The following RTN3 variants were observed in gnomAD, a reference collection of about 807,000 sequenced individuals.
The protein encoded by RTN3 is reticulon 3, also known as reticulon-3.
RTN3 carries 49 observed loss-of-function variants against 77.8 expected under a neutral mutation model. That is an observed-to-expected ratio of 0.63 (90% CI 0.50 to 0.80). The LOEUF (loss-of-function observed/expected upper bound fraction) is 0.80. RTN3 is among the 30% of genes least tolerant of loss of function. The probability of loss-of-function intolerance (pLI) is 0.00; values close to 1 mark genes in which losing one functional copy is unlikely to be tolerated. For synonymous variants in RTN3, 464 were observed against 446.9 expected, an observed-to-expected ratio of 1.04 and a Z score of -0.48; for missense variants, 1,236 against 1,211.9, an observed-to-expected ratio of 1.02 and a Z score of -0.29.
intron 1 of RTN3, among the ~76,000 whole-genome samples, chr11:63,701,425 A>G (rs184292191): frequency 2.0e-5 from 3 of 152,256 alleles, no homozygotes; most frequent in Non-Finnish European, 4.4e-5. Flanking sequence ...AAAGTCCCAT[A>G]TTTTATTTAA....
intron 1 of RTN3, among the ~76,000 whole-genome samples, chr11:63,696,712 A>C (rs1246971696): frequency 2.7e-5 from 4 of 145,988 alleles, no homozygotes; most frequent in Admixed American, 2.1e-4. Flanking sequence ...CACCCAGCTA[A>C]TTTTTGTATT....
At chr11:63,727,950 GA>G (rs968529301) in intron 3 of RTN3, among the ~76,000 whole-genome samples, 26 of 152,146 alleles carry the variant, frequency 1.7e-4, no homozygotes, top group African/African-American at 6.3e-4. Flanking sequence ...TAATTACAAA[GA>G]AAACCATACC....
intron 1 of RTN3, among the ~76,000 whole-genome samples, chr11:63,697,347 C>T (rs912401940): frequency 2.6e-5 from 4 of 151,476 alleles, no homozygotes; most frequent in Non-Finnish European, 4.4e-5. Flanking sequence ...ACTCTGTCGC[C>T]CAGGCTGGGG....
At chr11:63,718,584 G>A in intron 2 of RTN3, 118 bp from the exon 3 acceptor site, 1 of 624,630 alleles carries the variant, frequency 1.6e-6, no homozygotes, top group Non-Finnish European at 2.6e-6. Context: ...TATACATCCT[G>A]TGTGTGTATA....
intron 1 of RTN3, among the ~76,000 whole-genome samples, chr11:63,704,425 A>G (rs1410931248): frequency 6.6e-6 from 1 of 152,208 alleles, no homozygotes; most frequent in Non-Finnish European, 1.5e-5. Flanking sequence ...GATATTTTCA[A>G]ATGCTTATAT....
chr11:63,709,383 T>C (rs537132300), intron 2 of RTN3, among the ~76,000 whole-genome samples: 5 of 152,158 alleles, frequency 3.3e-5, no homozygotes, highest in Non-Finnish European at 7.4e-5. Flanking sequence ...ACTGTTTCTT[T>C]AGAAAACATT....
chr11:63,724,561 G>A (rs1467947286), intron 3 of RTN3, among the ~76,000 whole-genome samples: 1 of 138,718 alleles, frequency 7.2e-6, no homozygotes, highest in African/African-American at 2.7e-5. Flanking sequence ...GCACGATCTC[G>A]GGTCACTGCA....
At chr11:63,715,664 A>AG (rs1405523240) in intron 2 of RTN3, among the ~76,000 whole-genome samples, 1 of 124,692 alleles carries the variant, frequency 8.0e-6, no homozygotes, top group Non-Finnish European at 2.0e-5. Flanking sequence ...TCTAAAAAAA[A>AG]CACACAAAAA....
chr11:63,697,639 C>A (rs975310225), intron 1 of RTN3, among the ~76,000 whole-genome samples: 3 of 152,012 alleles, frequency 2.0e-5, no homozygotes, highest in African/African-American at 7.2e-5. Context: ...CCACGCCTGG[C>A]TAATTTTTGT....
chr11:63,755,951 C>T (rs550889511), intron 7 of RTN3, among the ~76,000 whole-genome samples, 161 bp from the exon 8 acceptor site: 16 of 149,728 alleles, frequency 1.1e-4, no homozygotes, highest in East Asian at 5.8e-4. Flanking sequence ...AGCGAGGCTC[C>T]GTCTCAAAAA....
At position 63,703,370 on chromosome 11, in the gene RTN3, G is replaced by A. The variant is rs182897072; in HGVS notation, c.143-1481G>A. Among the ~76,000 whole-genome samples, 147 of 152,012 alleles carry A rather than the reference G, an allele frequency of 9.7e-4. 1 individual carries two copies. The highest frequency in any genetic ancestry group is 8.8e-3 in the Admixed American group (134 of 15,236). On this transcript the variant is annotated intron_variant, in intron 1 of 8. Transcript: ENST00000377819. ...CTCATTCTTTTTCATGGCAGCAAGTGTTTCATAGTTTGCATGTAACTTTAA... is the reference window on the plus strand; with the variant it reads ...CTCATTCTTTTTCATGGCAGCAAGTATTTCATAGTTTGCATGTAACTTTAA...
intron 2 of RTN3, among the ~76,000 whole-genome samples, chr11:63,707,230 T>C (rs1242755571): frequency 6.6e-6 from 1 of 151,968 alleles, no homozygotes; most frequent in African/African-American, 2.4e-5. Flanking sequence ...AAAGGGATAG[T>C]TGATACTCTA....
chr11:63,713,932 T>A (rs756505442), intron 2 of RTN3: 4 of 492,978 alleles, frequency 8.1e-6, no homozygotes, highest in South Asian at 6.0e-5. Flanking sequence ...AAGAGCTAAC[T>A]GCCTTCAGAT....
In RTN3 at chr11:63,758,872, C is replaced by T. The variant is rs1222532051; in HGVS notation, c.*671C>T. On this transcript the variant is annotated 3_prime_UTR_variant, in exon 9 of 9. Transcript: ENST00000377819. ...AGCAGGCATGCTGCGGTGGCGGTCACTCCCTCTGCCACTATCCCCAGGGAA... is the reference window on the plus strand; with the variant it reads ...AGCAGGCATGCTGCGGTGGCGGTCATTCCCTCTGCCACTATCCCCAGGGAA... 6.6e-6 allele frequency: 1 copy of T among 152,652 alleles called. No individual in the cohort carries two copies. The allele number at this position is 152,652 out of a possible 1,614,324, so 9.5% of individuals were successfully genotyped here.
intron 1 of RTN3, among the ~76,000 whole-genome samples, chr11:63,703,615 T>TC (rs1942353268): frequency 6.6e-6 from 1 of 151,374 alleles, no homozygotes; most frequent in Non-Finnish European, 1.5e-5. Context: ...CGATCTCGGC[T>TC]CACTGCAAGC....
intron 3 of RTN3, among the ~76,000 whole-genome samples, chr11:63,747,963 G>A (rs1169118109): frequency 6.6e-6 from 1 of 152,006 alleles, no homozygotes; most frequent in Non-Finnish European, 1.5e-5. Flanking sequence ...AGAGTGGCTG[G>A]GAGGAAAGTC....
chr11:63,710,351 GTTTTTTTT>G (rs113719649), intron 2 of RTN3, among the ~76,000 whole-genome samples: 1 of 143,352 alleles, frequency 7.0e-6, no homozygotes, highest in Non-Finnish European at 1.5e-5. Context: ...TAGTTTTTTT[GTTTTTTTT>G]TTTATCATGT....
intron 1 of RTN3, among the ~76,000 whole-genome samples, chr11:63,701,972 A>G (rs1479388855): frequency 6.6e-6 from 1 of 152,150 alleles, no homozygotes; most frequent in Non-Finnish European, 1.5e-5. Context: ...CAATTTTTTA[A>G]TTTGTAGGAG....
At position 63,719,891 on chromosome 11, in the gene RTN3, T is replaced by C; in HGVS notation, c.1389T>C (p.Ser463=). 6.2e-7 allele frequency: 1 copy of C among 1,614,180 alleles called. No individual in the cohort carries two copies. Among genetic ancestry groups the C allele is most frequent in the Non-Finnish European group, 8.5e-7 (1 of 1,180,010 alleles). Residue 463 remains serine (S), a synonymous_variant, in exon 3 of 9, where the codon TCT becomes TCC. Coordinates refer to ENST00000377819, the MANE Select transcript of RTN3 (RefSeq NM_001265589.2). ...CTGAGAAATGTGACTCTTTGGGTTC[T>C]GGAGTGGCCACAGTGAAAGTGGTTT... ...SPPEKCDSLG[S]GVATVKVVLP...
Sources: allele counts gnomAD v4.1 joint callset (sites outside exome capture counted in the v4.1 genomes callset), GRCh38; gene constraint gnomAD v4.1.1; transcripts MANE v1.5; gene names NCBI Gene and HGNC (gene_info 2026-07-23, HGNC 2026-07-21).